MRPS10: variants seen among roughly 807,000 people sequenced by gnomAD.
MRPS10 encodes the protein small ribosomal subunit protein uS10m.
A neutral mutation model predicts 27.5 loss-of-function variants in MRPS10; 23 were observed. That is an observed-to-expected ratio of 0.84 (90% CI 0.60 to 1.18). The LOEUF (loss-of-function observed/expected upper bound fraction) is 1.18. Ranked by LOEUF, MRPS10 falls within the 50% of genes most tolerant of loss-of-function variation. The pLI, the probability that MRPS10 is intolerant of heterozygous loss-of-function variation, is 0.00. For missense variants in MRPS10, 237 were observed against 240.1 expected, an observed-to-expected ratio of 0.99 and a Z score of 0.09; for synonymous variants, 88 against 84.2, an observed-to-expected ratio of 1.04 and a Z score of -0.25.
In MRPS10 at chr6:42,208,915, G is replaced by C. The variant is rs1214196148; in HGVS notation, c.465C>G (p.Val155=). The C allele has an allele frequency of 6.2e-7, 1 of 1,611,096 alleles. No homozygotes were observed. Among genetic ancestry groups the C allele is most frequent in the Admixed American group, 1.7e-5 (1 of 59,822 alleles). Reference sequence around the variant, plus strand: ...AGTTTCGCTGAATATATTCCAAGTAGACATCTGCTGTGCTTCCAGTTAGAT... The same window carrying C: ...AGTTTCGCTGAATATATTCCAAGTACACATCTGCTGTGCTTCCAGTTAGAT... ...LEHLTGSTAD[V]YLEYIQRNLP... is the part of the protein sequence containing the mutation. Residue 155 remains valine, a synonymous_variant, in exon 6 of 7, where the codon GTC becomes GTG. Transcript: ENST00000053468.
At chr6:42,211,626 G>A (rs146827229) in intron 4 of MRPS10, among the ~76,000 whole-genome samples, 155 bp downstream of exon 4, 2,382 of 144,864 alleles carry the variant, frequency 0.016, 82 homozygotes, top group African/African-American at 0.056. Flanking sequence ...GTGAGCTGAG[G>A]TTGTGCCACT....
At position 42,214,033 on chromosome 6, in the gene MRPS10, G is replaced by A. The variant is rs1562073652; in HGVS notation, c.186+87C>T. 3 of 1,138,506 alleles carry A rather than the reference G, an allele frequency of 2.6e-6. No homozygotes were observed. The African/African-American group carries it at 4.7e-5, about 18-fold the overall frequency. The allele number at this position is 1,138,506 out of a possible 1,614,324, so 70.5% of individuals were successfully genotyped here. ...AGGACAAAATTTTTTTATTCATAGA[G>A]TGTTTGGGGAAAAAAAACCCAATGA... is the stretch of plus-strand genomic sequence containing the variant. On this transcript the variant is annotated intron_variant, in intron 3 of 6. Transcript: ENST00000053468.
intron 1 of MRPS10, among the ~76,000 whole-genome samples, chr6:42,215,581 C>T (rs958630322): frequency 2.0e-5 from 3 of 152,038 alleles, no homozygotes; most frequent in Admixed American, 2.0e-4. Context: ...CACGGGCCAC[C>T]AGGCCCAGCT....
Position 42,214,196 on chromosome 6 carries a change from T to A in MRPS10, c.114-4A>T. The A allele has an allele frequency of 6.2e-7, 1 of 1,612,076 alleles. No homozygotes were observed. Among genetic ancestry groups the A allele is most frequent in the Non-Finnish European group, 8.5e-7 (1 of 1,178,884 alleles). ...TACCCACTTCATATTGGTACTGCTA[T>A]GTGTGGGGAAAAAAAGAGAAACCTA... On this transcript the variant is annotated splice_polypyrimidine_tract_variant and splice_region_variant and intron_variant, in intron 2 of 6. Transcript: ENST00000053468.
At chr6:42,215,372 A>AAAAAAAAAAAAAAAG (rs57706544) in intron 1 of MRPS10, among the ~76,000 whole-genome samples, 2 of 150,246 alleles carry the variant, frequency 1.3e-5, no homozygotes, top group African/African-American at 4.9e-5. Context: ...AAAAAAAAAA[A>AAAAAAAAAAAAAAAG]GAAGTTTAGC....
chr6:42,216,548 A>G, intron 1 of MRPS10, among the ~76,000 whole-genome samples: 1 of 150,794 alleles, frequency 6.6e-6, no homozygotes, highest in Non-Finnish European at 1.5e-5. Flanking sequence ...CGGTGGCTCA[A>G]GGCTGTAATC....
intron 1 of MRPS10, among the ~76,000 whole-genome samples, 166 bp downstream of exon 1, chr6:42,217,636 G>C (rs538693095): frequency 1.3e-5 from 2 of 152,276 alleles, no homozygotes; most frequent in African/African-American, 4.8e-5. Flanking sequence ...AATTCCATGA[G>C]AGAATTCTGA....
intron 1 of MRPS10, 80 bp downstream of exon 1, chr6:42,217,722 G>T: frequency 6.8e-7 from 1 of 1,464,452 alleles, no homozygotes; most frequent in Non-Finnish European, 9.5e-7. Flanking sequence ...AAATCCTGAT[G>T]GGCAGAGCGG....
In MRPS10 at chr6:42,208,284, A is replaced by C. The variant is rs1768665892; in HGVS notation, c.*5T>G. 1 of 1,609,156 alleles carries C rather than the reference A, an allele frequency of 6.2e-7. No individual in the cohort carries two copies. On this transcript the variant is annotated 3_prime_UTR_variant, in exon 7 of 7. Transcript: ENST00000053468. Reference sequence around the variant, plus strand: ...AATTTAGGCAAAAATGGCCTCCCTGAGGCTTTATGACTTGCTTTCTTCTTT... The same window carrying C: ...AATTTAGGCAAAAATGGCCTCCCTGCGGCTTTATGACTTGCTTTCTTCTTT...
intron 4 of MRPS10, among the ~76,000 whole-genome samples, chr6:42,210,909 A>G (rs190388964): frequency 7.9e-5 from 12 of 152,364 alleles, no homozygotes; most frequent in Admixed American, 3.9e-4. Flanking sequence ...TTAATTGTGA[A>G]GAGCAGCACC....
At chr6:42,215,285 G>A (rs1768892344) in intron 1 of MRPS10, among the ~76,000 whole-genome samples, 3 of 136,886 alleles carry the variant, frequency 2.2e-5, no homozygotes, top group African/African-American at 8.3e-5. Context: ...AGTTACTTGG[G>A]AGGCTGAGGC....
At chr6:42,208,750 G>T in intron 6 of MRPS10, 108 bp downstream of exon 6, 1 of 769,294 alleles carries the variant, frequency 1.3e-6, no homozygotes, top group South Asian at 1.8e-5. Flanking sequence ...CCACAGTTTA[G>T]GGCAAACTCT....
chr6:42,212,003 T>C (rs1425307263), intron 3 of MRPS10, 86 bp from the exon 4 acceptor site: 16 of 1,251,576 alleles, frequency 1.3e-5, no homozygotes, highest in Non-Finnish European at 7.9e-6. Context: ...ATTGAACAAC[T>C]TCAGAGTTTA....
At chr6:42,212,570 A>G (rs1284094109) in intron 3 of MRPS10, among the ~76,000 whole-genome samples, 1 of 152,146 alleles carries the variant, frequency 6.6e-6, no homozygotes, top group Non-Finnish European at 1.5e-5. Flanking sequence ...TATAACTTCA[A>G]CCTCTTCCAC....
Position 42,207,985 on chromosome 6 carries a change from G to T in MRPS10, c.*304C>A. On this transcript the variant is annotated 3_prime_UTR_variant, in exon 7 of 7. Coordinates refer to ENST00000053468, the MANE Select transcript of MRPS10 (RefSeq NM_018141.4). The stretch of plus-strand genomic sequence containing the variant: ...CATCAACTGACATAAATTAAAAATG[G>T]TACAAACTAATAATTGAACACCAGT... 1 of 325,430 alleles carries T rather than the reference G, an allele frequency of 3.1e-6. No individual in the cohort carries two copies. Among genetic ancestry groups the T allele is most frequent in the Non-Finnish European group, 5.6e-6 (1 of 179,234 alleles). The allele number at this position is 325,430 out of a possible 1,614,324, so 20.2% of individuals were successfully genotyped here. A position where few individuals can be genotyped will look rare whatever the true frequency, so the allele number is the denominator to read the frequency against.
intron 1 of MRPS10, among the ~76,000 whole-genome samples, chr6:42,216,385 A>AGAGAGAGAGAGAGAGAGTGTGTGTGTGT: frequency 1.7e-4 from 10 of 58,678 alleles, no homozygotes; most frequent in African/African-American, 3.1e-4. Context: ...AGAGAGAGAG[A>AGAGAGAGAGAGAGAGAGTGTGTGTGTGT]GTGTGTGTGT....
chr6:42,211,799 A>C lies in MRPS10; in HGVS notation c.305T>G (p.Leu102Arg), dbSNP rs1453944444. 3 of 1,613,796 alleles carry C rather than the reference A, an allele frequency of 1.9e-6. No individual in the cohort carries two copies. Among genetic ancestry groups the C allele is most frequent in the Non-Finnish European group, 2.5e-6 (3 of 1,179,896 alleles). ...EYFAVLAAKE[L>R]GISIKVHEPP... ...TACTCACACTTTAATAGAGATACCAAGTTCTTTAGCAGCAAGCACAGCAAA... is the reference window on the plus strand; with the variant it reads ...TACTCACACTTTAATAGAGATACCACGTTCTTTAGCAGCAAGCACAGCAAA... Residue 102 changes from leucine to arginine, a missense_variant, in exon 4 of 7, where the codon CTT becomes CGT. Physicochemically the swap from Leu to Arg is moderately radical, Grantham distance 102 (BLOSUM62 -2). Transcript: ENST00000053468.
At chr6:42,213,434 C>T (rs1037754098) in intron 3 of MRPS10, among the ~76,000 whole-genome samples, 5 of 151,974 alleles carry the variant, frequency 3.3e-5, no homozygotes, top group Admixed American at 6.6e-5. Flanking sequence ...GGTGACAGAG[C>T]GAGACTCTGT....
chr6:42,214,572 T>A (rs1768868907), intron 1 of MRPS10, among the ~76,000 whole-genome samples: 1 of 108,498 alleles, frequency 9.2e-6, no homozygotes, highest in African/African-American at 2.7e-5. Context: ...AGATTAGGAA[T>A]AAAAACTTTT....
Sources: allele counts gnomAD v4.1 joint callset (sites outside exome capture counted in the v4.1 genomes callset), GRCh38; gene constraint gnomAD v4.1.1; transcripts MANE v1.5; gene names NCBI Gene and HGNC (gene_info 2026-07-23, HGNC 2026-07-21).